The following MRPL3 variants were observed in gnomAD, a reference collection of about 807,000 sequenced individuals.
The protein encoded by MRPL3 is mitochondrial ribosomal protein L3.
A neutral mutation model predicts 44.3 loss-of-function variants in MRPL3; 43 were observed. That is an observed-to-expected ratio of 0.97 (90% CI 0.76 to 1.25). The LOEUF is 1.25. Ranked by LOEUF, MRPL3 falls within the 50% of genes most tolerant of loss-of-function variation. The pLI, the probability that MRPL3 is intolerant of heterozygous loss-of-function variation, is 0.00. For missense variants in MRPL3, 406 were observed against 427.6 expected (o/e 0.95, Z 0.45); for synonymous variants, 171 against 152.3 (o/e 1.12, Z -0.91).
rs1477409168 is a variant in MRPL3 at position 131,462,831 on chromosome 3, A to G, written c.939T>C (p.Asn313=). ...KLPAYKDLGK[N]LPFPTYFPDG... is the part of the protein sequence containing the mutation. ...CAGGAAAATATGTAGGGAATGGTAG[A>G]TTTTTACCGAGATCCTTATATGCAG... The change falls in exon 10 of 10, where the codon AAT becomes AAC. Residue 313 remains asparagine (N), a synonymous_variant. Transcript: ENST00000264995. 1 of 1,612,754 alleles carries G rather than the reference A, an allele frequency of 6.2e-7. No individual in the cohort carries two copies. The highest frequency in any genetic ancestry group is 2.2e-5 in the East Asian group (1 of 44,832).
At chr3:131,477,190 T>C (rs1377740346) in intron 6 of MRPL3, among the ~76,000 whole-genome samples, 1 of 152,210 alleles carries the variant, frequency 6.6e-6, no homozygotes, top group Non-Finnish European at 1.5e-5. Context: ...GATATACTTG[T>C]CTATGGGGAT....
chr3:131,502,627 C>T (rs923736824), intron 1 of MRPL3, 103 bp downstream of exon 1: 43 of 904,096 alleles, frequency 4.8e-5, no homozygotes, highest in Non-Finnish European at 7.0e-5. Flanking sequence ...CACGTCTCAA[C>T]AGAGCCCCTT....
chr3:131,464,410 G>T (rs1933556235), intron 9 of MRPL3, among the ~76,000 whole-genome samples: 1 of 152,116 alleles, frequency 6.6e-6, no homozygotes, highest in Non-Finnish European at 1.5e-5. Context: ...TGCAAAAGTT[G>T]AGGGCCAAAG....
chr3:131,475,731 T>C (rs190632859), intron 6 of MRPL3, among the ~76,000 whole-genome samples: 2 of 152,324 alleles, frequency 1.3e-5, no homozygotes, highest in African/African-American at 4.8e-5. Context: ...TTATGTAAAC[T>C]AACATCTAAG....
chr3:131,488,213 A>C (rs1029599967), intron 5 of MRPL3, among the ~76,000 whole-genome samples: 1 of 152,186 alleles, frequency 6.6e-6, no homozygotes, highest in African/African-American at 2.4e-5. Flanking sequence ...ATCTATATAA[A>C]GCCTCTACAT....
intron 6 of MRPL3, among the ~76,000 whole-genome samples, chr3:131,480,052 A>G (rs1014782441): frequency 6.6e-6 from 1 of 152,246 alleles, no homozygotes; most frequent in African/African-American, 2.4e-5. Flanking sequence ...TTGCCAAAAC[A>G]TATTACATGT....
chr3:131,487,352 G>A, intron 6 of MRPL3: 1 of 218,580 alleles, frequency 4.6e-6, no homozygotes, highest in Non-Finnish European at 9.0e-6. Context: ...TAATATAAAT[G>A]ACGAGTTGAT....
chr3:131,467,547 C>T (rs1178482890), intron 9 of MRPL3, among the ~76,000 whole-genome samples: 1 of 152,000 alleles, frequency 6.6e-6, no homozygotes, highest in Non-Finnish European at 1.5e-5. Flanking sequence ...TTGCTGTTCT[C>T]GTGATAGTGA....
In MRPL3 at chr3:131,501,596, GCTT is replaced by G; in HGVS notation, c.209_211del (p.Lys70_Ala71delinsThr). On this transcript the variant is annotated inframe_deletion, in exon 2 of 10. Transcript: ENST00000264995. Reference sequence around the variant, plus strand: ...AGGACACAGTTTACTTGCTAATTGGGCTTTATCTTCATCAGAGACCAACTGCTT... The same window carrying G: ...AGGACACAGTTTACTTGCTAATTGGGTATCTTCATCAGAGACCAACTGCTT... 3 of 1,612,262 alleles carry G rather than the reference GCTT, an allele frequency of 1.9e-6. No homozygotes were observed. The highest frequency in any genetic ancestry group is 2.5e-6 in the Non-Finnish European group (3 of 1,179,924).
intron 9 of MRPL3, 47 bp downstream of exon 9, chr3:131,468,044 A>C (rs556614969): frequency 1.4e-4 from 144 of 1,002,642 alleles, no homozygotes; most frequent in Admixed American, 8.8e-4. Context: ...CTTGCGAGTA[A>C]GAAACAAAAA....
chr3:131,498,812 CCCAAAAG>C (rs1934430193), intron 3 of MRPL3, among the ~76,000 whole-genome samples: 1 of 151,840 alleles, frequency 6.6e-6, no homozygotes, highest in Non-Finnish European at 1.5e-5. Context: ...GAAGTAGAAT[CCCAAAAG>C]CCCGTGTGTG....
intron 7 of MRPL3, among the ~76,000 whole-genome samples, chr3:131,470,946 T>C (rs1559814532): frequency 6.6e-6 from 1 of 152,138 alleles, no homozygotes; most frequent in Non-Finnish European, 1.5e-5. Flanking sequence ...TCAGGGTATA[T>C]ACAGCCAAAC....
chr3:131,495,916 T>C (rs947934174), intron 4 of MRPL3, among the ~76,000 whole-genome samples: 2 of 152,202 alleles, frequency 1.3e-5, no homozygotes, highest in East Asian at 1.9e-4. Context: ...GGTAAGAAAA[T>C]AGATGTTCAA....
At chr3:131,477,067 T>A (rs72997212) in intron 6 of MRPL3, among the ~76,000 whole-genome samples, 17,887 of 152,252 alleles carry the variant, frequency 0.12, 1,380 homozygotes, top group South Asian at 0.2. Context: ...ATGAGAATTG[T>A]ATTCCCTTGC....
rs369657581 is a variant in MRPL3 at position 131,490,043 on chromosome 3, C to A, written c.506G>T (p.Gly169Val). The A allele has an allele frequency of 3.0e-4, 482 of 1,611,746 alleles. No homozygotes were observed. The highest frequency in any genetic ancestry group is 3.9e-4 in the Non-Finnish European group (460 of 1,178,222). The change falls in exon 5 of 10, where the codon GGA (glycine) becomes GTA (valine). Residue 169 changes from glycine (G) to valine (V), a missense_variant. By Grantham distance (109) the Gly-to-Val change is moderately radical. Coordinates refer to ENST00000264995, the MANE Select transcript of MRPL3 (RefSeq NM_007208.4). The part of the protein sequence containing the change: ...TSILEFYREL[G>V]LPPKQTVKIF... ...TTTAACTGTCTGTTTCGGCGGCAAT[C>A]CAAGTTCCCGGTAAAATTCCAATAT...
At chr3:131,479,186 C>A (rs775851161) in intron 6 of MRPL3, 1 of 519,084 alleles carries the variant, frequency 1.9e-6, no homozygotes, top group South Asian at 1.4e-5. Flanking sequence ...TACACTGTCC[C>A]CCCTGCCTGG....
chr3:131,496,965 C>T (rs549701442), intron 4 of MRPL3, among the ~76,000 whole-genome samples: 1 of 152,238 alleles, frequency 6.6e-6, no homozygotes, highest in African/African-American at 2.4e-5. Context: ...CCCAAGCACA[C>T]ATGCTCTTCC....
intron 6 of MRPL3, among the ~76,000 whole-genome samples, chr3:131,472,308 A>G (rs1408535401): frequency 6.6e-6 from 1 of 152,194 alleles, no homozygotes; most frequent in Non-Finnish European, 1.5e-5. Flanking sequence ...ATTTCTTACT[A>G]ATCTAAAATC....
At chr3:131,487,545 A>G (rs888370434) in intron 6 of MRPL3, 135 bp downstream of exon 6, 3 of 730,400 alleles carry the variant, frequency 4.1e-6, no homozygotes, top group Non-Finnish European at 4.5e-6. Context: ...AGGTAACATG[A>G]AAGATTTGAA....
Sources: gnomAD v4.1 joint callset for allele counts (sites outside exome capture counted in the v4.1 genomes callset) on GRCh38, gnomAD v4.1.1 for gene constraint, MANE v1.5 for transcripts, NCBI Gene and HGNC (gene_info 2026-07-23, HGNC 2026-07-21) for gene names.